The following TMCO6 variants were observed in gnomAD, a reference collection of about 807,000 sequenced individuals.
TMCO6 encodes transmembrane and coiled-coil domain-containing protein 6.
A neutral mutation model predicts 61.8 loss-of-function variants in TMCO6; 47 were observed. That is an observed-to-expected ratio of 0.76 (90% CI 0.60 to 0.97). The LOEUF (loss-of-function observed/expected upper bound fraction) is 0.97, where lower values mean the gene tolerates loss of function less well. TMCO6 is among the 50% of genes least tolerant of loss of function. The pLI is 0.00. For synonymous variants in TMCO6, 261 were observed against 254.2 expected, an observed-to-expected ratio of 1.03 and a Z score of -0.25; for missense variants, 557 against 601.6, an observed-to-expected ratio of 0.93 and a Z score of 0.78.
At chr5:140,633,338 C>T in the TMCO6 span, 2 of 588,766 alleles carry the variant, frequency 3.4e-6, no homozygotes, top group Admixed American at 5.7e-5. Flanking sequence ...GGGACCGTAA[C>T]AGGAAGGATT....
the TMCO6 span, among the ~76,000 whole-genome samples, chr5:140,625,523 T>G: frequency 6.6e-6 from 1 of 152,184 alleles, no homozygotes; most frequent in Non-Finnish European, 1.5e-5. Flanking sequence ...GTGAGGTCTA[T>G]TCTAACAACT....
chr5:140,632,027 G>C, the TMCO6 span: 1 of 1,614,174 alleles, frequency 6.2e-7, no homozygotes, highest in Non-Finnish European at 8.5e-7. This position sits in a 1 kb window ranked among gnomAD's most constrained non-coding sequence, Gnocchi z 6.2. Flanking sequence ...TATCCACCTC[G>C]GGCAGCTCGT....
At chr5:140,620,840 G>A in the TMCO6 span, among the ~76,000 whole-genome samples, 5 of 152,000 alleles carry the variant, frequency 3.3e-5, no homozygotes, top group Admixed American at 1.3e-4. Flanking sequence ...GTGAGACCTT[G>A]CCTCTACAAA....
At chr5:140,635,009 C>T (rs903853615), upstream of TMCO6, among the ~76,000 whole-genome samples, 25 of 149,260 alleles carry the variant, frequency 1.7e-4, no homozygotes, top group Admixed American at 4.7e-4. Flanking sequence ...CTCGAACTCC[C>T]GACCTCAGGT....
At chr5:140,632,691 G>A in the TMCO6 span, 5 of 1,613,778 alleles carry the variant, frequency 3.1e-6, no homozygotes, top group Non-Finnish European at 4.2e-6. This position sits in a 1 kb window ranked among gnomAD's most constrained non-coding sequence, Gnocchi z 6.2. Context: ...AACCTGTGCG[G>A]CTCCCACTGT....
At chr5:140,642,185 C>T in intron 4 of TMCO6, 130 bp from the exon 5 acceptor site, 1 of 1,399,282 alleles carries the variant, frequency 7.1e-7, no homozygotes. Flanking sequence ...CTACACCCAT[C>T]ATCTCCCCAC....
chr5:140,644,500 T>C (rs1757267108), intron 10 of TMCO6, 73 bp from the exon 11 acceptor site: 2 of 1,554,146 alleles, frequency 1.3e-6, no homozygotes, highest in African/African-American at 1.4e-5. Context: ...GTGGTCACCA[T>C]GTCATATATT....
At chr5:140,629,315 AT>A in the TMCO6 span, among the ~76,000 whole-genome samples, 2 of 151,296 alleles carry the variant, frequency 1.3e-5, no homozygotes, top group Non-Finnish European at 1.5e-5. Flanking sequence ...AAAAAAAATA[AT>A]AATAATAAAT....
the TMCO6 span, among the ~76,000 whole-genome samples, chr5:140,607,441 A>G: frequency 6.6e-6 from 1 of 152,192 alleles, no homozygotes; most frequent in African/African-American, 2.4e-5. Flanking sequence ...TCATTTATCC[A>G]CTAGTGGACA....
the TMCO6 span, among the ~76,000 whole-genome samples, chr5:140,607,081 T>C: frequency 1.3e-5 from 2 of 152,130 alleles, no homozygotes; most frequent in Admixed American, 6.5e-5. Context: ...TTTAAGTGTA[T>C]AATAAATACA....
chr5:140,605,891 T>C, the TMCO6 span, among the ~76,000 whole-genome samples: 3 of 152,170 alleles, frequency 2.0e-5, no homozygotes, highest in Admixed American at 2.0e-4. Flanking sequence ...TGATTCAATC[T>C]CTTGTTATAA....
At chr5:140,601,072 C>T in the TMCO6 span, among the ~76,000 whole-genome samples, 17 of 152,174 alleles carry the variant, frequency 1.1e-4, no homozygotes, top group Non-Finnish European at 2.4e-4. Context: ...GGAGCTACAA[C>T]CCCTTCACAT....
the TMCO6 span, among the ~76,000 whole-genome samples, chr5:140,601,643 G>T: frequency 6.6e-6 from 1 of 152,128 alleles, no homozygotes; most frequent in African/African-American, 2.4e-5. Flanking sequence ...GTAATATAAT[G>T]CTCCCTTCCT....
the TMCO6 span, among the ~76,000 whole-genome samples, chr5:140,600,498 C>G: frequency 6.7e-6 from 1 of 149,954 alleles, no homozygotes; most frequent in Admixed American, 6.7e-5. Flanking sequence ...CAGAGTCTTG[C>G]TCTGTCACTC....
At chr5:140,632,087 G>A in the TMCO6 span, 1 of 1,614,214 alleles carries the variant, frequency 6.2e-7, no homozygotes, top group Non-Finnish European at 8.5e-7. The surrounding 1 kb of genome is among the most constrained non-coding windows in gnomAD (Gnocchi z 6.2). Flanking sequence ...CGAGCACTCT[G>A]AGCTTGGCTG....
the TMCO6 span, among the ~76,000 whole-genome samples, chr5:140,617,820 T>C: frequency 6.6e-6 from 1 of 152,122 alleles, no homozygotes; most frequent in Non-Finnish European, 1.5e-5. Flanking sequence ...CTCATTATTA[T>C]GGCTACTATT....
chr5:140,617,946 G>A, the TMCO6 span, among the ~76,000 whole-genome samples: 1 of 152,084 alleles, frequency 6.6e-6, no homozygotes, highest in Non-Finnish European at 1.5e-5. Context: ...CGAGCAAAAG[G>A]CTCAGAATAG....
the TMCO6 span, among the ~76,000 whole-genome samples, chr5:140,630,841 C>A: frequency 1.6e-4 from 25 of 152,172 alleles, no homozygotes; most frequent in Admixed American, 1.3e-4. Context: ...GAGGCAGGTG[C>A]TGGGCCTATA....
the TMCO6 span, among the ~76,000 whole-genome samples, chr5:140,630,316 AT>A: frequency 4.7e-5 from 7 of 149,380 alleles, no homozygotes; most frequent in Non-Finnish European, 8.9e-5. Context: ...TTTAAAAAAA[AT>A]TTTTTTTTTT....
Sources: gnomAD v4.1 joint callset for allele counts (sites outside exome capture counted in the v4.1 genomes callset) on GRCh38, gnomAD v4.1.1 for gene constraint, Gnocchi (gnomAD v3.1) non-coding constraint, MANE v1.5 for transcripts, NCBI Gene and HGNC (gene_info 2026-07-23, HGNC 2026-07-21) for gene names.